SDK1: variants seen among roughly 807,000 people sequenced by gnomAD.
SDK1 encodes sidekick cell adhesion molecule 1.
A neutral mutation model predicts 245.5 loss-of-function variants in SDK1; 157 were observed. That is an observed-to-expected ratio of 0.64 (90% CI 0.56 to 0.73). The LOEUF (loss-of-function observed/expected upper bound fraction) is 0.73. Among genes scored for constraint, SDK1 ranks in the 30% least tolerant of loss-of-function variants. The pLI is 0.00. For missense variants in SDK1, 3,583 were observed against 3,002.3 expected, an observed-to-expected ratio of 1.19 and a Z score of -4.52; for synonymous variants, 1,647 against 1,278.5, an observed-to-expected ratio of 1.29 and a Z score of -6.15.
At chr7:4,024,773 C>A (rs934399343) in intron 17 of SDK1, among the ~76,000 whole-genome samples, 1 of 152,258 alleles carries the variant, frequency 6.6e-6, no homozygotes, top group African/African-American at 2.4e-5. Context: ...CTTAAGTCTG[C>A]TGGGCTCCCA....
At chr7:3,847,416 A>G (rs1479305500) in intron 5 of SDK1, among the ~76,000 whole-genome samples, 1 of 152,188 alleles carries the variant, frequency 6.6e-6, no homozygotes, top group African/African-American at 2.4e-5. Context: ...TTTATTTAGT[A>G]TTTACCGAGG....
intron 1 of SDK1, among the ~76,000 whole-genome samples, chr7:3,432,446 G>A (rs192662250): frequency 6.6e-6 from 1 of 152,012 alleles, no homozygotes; most frequent in Non-Finnish European, 1.5e-5. Flanking sequence ...TTCTCCAGGG[G>A]GCAAAATATC....
At chr7:4,046,916 T>G (rs568823388) in intron 17 of SDK1, among the ~76,000 whole-genome samples, 29 of 152,170 alleles carry the variant, frequency 1.9e-4, no homozygotes, top group Admixed American at 1.8e-3. Flanking sequence ...ATTCACTATA[T>G]TGATTGGTTT....
intron 4 of SDK1, among the ~76,000 whole-genome samples, chr7:3,731,139 A>G (rs904540514): frequency 2.0e-5 from 3 of 152,178 alleles, no homozygotes; most frequent in Non-Finnish European, 4.4e-5. Context: ...TCACTCATGC[A>G]TCCATCACCG....
At chr7:3,751,480 A>G (rs892740422) in intron 4 of SDK1, among the ~76,000 whole-genome samples, 3 of 151,518 alleles carry the variant, frequency 2.0e-5, no homozygotes, top group Admixed American at 6.6e-5. Flanking sequence ...GGAGGGAGGA[A>G]TGGGGAGCAG....
intron 1 of SDK1, among the ~76,000 whole-genome samples, chr7:3,588,527 A>G (rs1259111671): frequency 1.3e-5 from 2 of 152,146 alleles, no homozygotes; most frequent in African/African-American, 2.4e-5. Context: ...AATGTGCTGG[A>G]CAGGTGCCAG....
At chr7:3,802,819 T>C (rs886454354) in intron 4 of SDK1, among the ~76,000 whole-genome samples, 5 of 152,376 alleles carry the variant, frequency 3.3e-5, no homozygotes, top group Middle Eastern at 3.4e-3. Flanking sequence ...TGCCGGATTC[T>C]GTGCAACAGA....
At position 3,559,829 on chromosome 7, in the gene SDK1, A is replaced by C. The variant is rs370871175; in HGVS notation, c.299-59251A>C. Among the ~76,000 whole-genome samples, 22 of 151,648 alleles carry C rather than the reference A, an allele frequency of 1.5e-4. No individual in the cohort carries two copies. The East Asian group carries it at 4.1e-3, about 28-fold the overall frequency. ...TGAACTTAATGTCAGTGTAAATTGT[A>C]GATTATAGACTTCACAAGGCTGGTC... On this transcript the variant is annotated intron_variant, in intron 1 of 44. Transcript: ENST00000404826.
intron 4 of SDK1, among the ~76,000 whole-genome samples, chr7:3,723,918 A>G (rs1778919962): frequency 7.4e-6 from 1 of 134,554 alleles, no homozygotes; most frequent in Admixed American, 7.4e-5. Context: ...ACATATATAT[A>G]TACACGTATA....
At chr7:3,869,540 G>C (rs1267393395) in intron 5 of SDK1, among the ~76,000 whole-genome samples, 2 of 152,150 alleles carry the variant, frequency 1.3e-5, no homozygotes, top group East Asian at 3.8e-4. Context: ...TCAGCTCCAG[G>C]CTTCCTGCAG....
intron 1 of SDK1, among the ~76,000 whole-genome samples, chr7:3,505,956 G>A (rs1782378536): frequency 6.6e-6 from 1 of 151,886 alleles, no homozygotes; most frequent in African/African-American, 2.4e-5. Flanking sequence ...TTATTTTTAT[G>A]TTTGTTATAA....
At chr7:4,201,087 T>G (rs1477109006) in intron 35 of SDK1, among the ~76,000 whole-genome samples, 1 of 152,252 alleles carries the variant, frequency 6.6e-6, no homozygotes, top group Admixed American at 6.5e-5. Flanking sequence ...CCTAGGGCTA[T>G]GCACTTGCCC....
chr7:3,914,697 G>A (rs1462797758), intron 5 of SDK1, among the ~76,000 whole-genome samples: 1 of 152,210 alleles, frequency 6.6e-6, no homozygotes, highest in Non-Finnish European at 1.5e-5. Flanking sequence ...CAGCCACGGT[G>A]ACATGGGCTG....
At chr7:3,792,194 C>T (rs1307646009) in intron 4 of SDK1, among the ~76,000 whole-genome samples, 1 of 152,106 alleles carries the variant, frequency 6.6e-6, no homozygotes, top group Admixed American at 6.6e-5. Context: ...CTCATAACTG[C>T]CTGGCTCCAG....
At chr7:3,797,263 G>A (rs1020229799) in intron 4 of SDK1, among the ~76,000 whole-genome samples, 2 of 152,052 alleles carry the variant, frequency 1.3e-5, no homozygotes, top group Non-Finnish European at 2.9e-5. Context: ...GATTATAGGT[G>A]TGAGCTGCCA....
intron 5 of SDK1, among the ~76,000 whole-genome samples, chr7:3,866,949 C>T (rs1286485647): frequency 6.6e-6 from 1 of 152,132 alleles, no homozygotes. Context: ...CCTTGGTAGG[C>T]CTTAGGCTGG....
At chr7:3,871,740 G>A (rs1411207114) in intron 5 of SDK1, among the ~76,000 whole-genome samples, 1 of 152,158 alleles carries the variant, frequency 6.6e-6, no homozygotes, top group Non-Finnish European at 1.5e-5. Context: ...ACCCTTTCGT[G>A]AGGGATCTGC....
chr7:3,483,675 A>G (rs1781587833), intron 1 of SDK1, among the ~76,000 whole-genome samples: 1 of 152,038 alleles, frequency 6.6e-6, no homozygotes, highest in Non-Finnish European at 1.5e-5. Context: ...TATTTTCTCT[A>G]AATTTTTGAT....
rs73308014 is a variant in SDK1 at position 3,788,430 on chromosome 7, A to G, written c.714-33020A>G. On this transcript the variant is annotated intron_variant, in intron 4 of 44. Transcript: ENST00000404826. ...TGCAGAGGGGATAAGGTGGGGTAGA[A>G]CAAGTCTGTCTGTGATATCTACCAC... Among the ~76,000 whole-genome samples the G allele has an allele frequency of 8.8e-3, 1,345 of 152,264 alleles. 20 individuals are homozygous for G. Among genetic ancestry groups the G allele is most frequent in the African/African-American group, 0.03 (1,264 of 41,538 alleles).
Sources: gnomAD v4.1 joint callset for allele counts (sites outside exome capture counted in the v4.1 genomes callset) on GRCh38, gnomAD v4.1.1 for gene constraint, MANE v1.5 for transcripts, NCBI Gene and HGNC (gene_info 2026-07-23, HGNC 2026-07-21) for gene names.